BMERB1: variants seen among roughly 807,000 people sequenced by gnomAD.
BMERB1 encodes the protein bMERB domain-containing protein 1.
Under a neutral mutation model 23.6 loss-of-function variants are expected in BMERB1, and 12 were observed. The ratio of observed to expected loss-of-function variants is 0.51; its 90% CI spans 0.33 to 0.82. BMERB1 has a LOEUF of 0.82. Ranked by LOEUF, BMERB1 falls within the 40% of genes least tolerant of loss-of-function variation. The probability of loss-of-function intolerance (pLI) is 0.03; values close to 1 mark genes in which losing one functional copy is unlikely to be tolerated. For synonymous variants in BMERB1, 122 were observed against 96.6 expected (o/e 1.26, Z -1.54); for missense variants, 247 against 255.4 (o/e 0.97, Z 0.22).
intron 1 of BMERB1, among the ~76,000 whole-genome samples, chr16:15,475,312 C>G (rs537650893): frequency 3.3e-5 from 5 of 152,268 alleles, no homozygotes; most frequent in African/African-American, 1.2e-4. Flanking sequence ...TAGCCTTGCA[C>G]AAAGTCAGAG....
chr16:15,576,902 T>C (rs999301370), intron 3 of BMERB1, among the ~76,000 whole-genome samples: 1 of 152,250 alleles, frequency 6.6e-6, no homozygotes, highest in Middle Eastern at 3.4e-3. Context: ...GCTCTCTCGG[T>C]CTCTCTCGAG....
intron 2 of BMERB1, among the ~76,000 whole-genome samples, chr16:15,527,569 C>T (rs2051922121): frequency 1.3e-5 from 2 of 152,042 alleles, no homozygotes; most frequent in South Asian, 4.1e-4. Flanking sequence ...TGTGCCACTG[C>T]ACTCTAGCTC....
intron 2 of BMERB1, among the ~76,000 whole-genome samples, chr16:15,538,809 C>G (rs910752669): frequency 1.3e-5 from 2 of 152,186 alleles, no homozygotes; most frequent in African/African-American, 4.8e-5. Flanking sequence ...TTCCTCTCCA[C>G]TTGCTGCCCG....
At chr16:15,570,198 G>A (rs1225384940) in intron 3 of BMERB1, among the ~76,000 whole-genome samples, 2 of 152,190 alleles carry the variant, frequency 1.3e-5, no homozygotes, top group East Asian at 3.9e-4. Flanking sequence ...CCAAGAGGCT[G>A]TTCTGCAGCA....
chr16:15,545,785 A>G (rs1022006655), intron 2 of BMERB1, among the ~76,000 whole-genome samples: 11 of 152,128 alleles, frequency 7.2e-5, no homozygotes, highest in African/African-American at 2.7e-4. Flanking sequence ...CCCTTGTTGA[A>G]CTTCTCTAAT....
intron 2 of BMERB1, among the ~76,000 whole-genome samples, chr16:15,563,163 C>G (rs1375509190): frequency 1.3e-5 from 2 of 152,146 alleles, no homozygotes; most frequent in Non-Finnish European, 2.9e-5. Context: ...GGGTGGATTG[C>G]TTGAGCCAAG....
chr16:15,461,075 A>G (rs948444196), intron 1 of BMERB1, among the ~76,000 whole-genome samples: 1 of 151,394 alleles, frequency 6.6e-6, no homozygotes, highest in African/African-American at 2.4e-5. Flanking sequence ...CAGTGAGCCA[A>G]GATTGCACCA....
chr16:15,516,298 T>C (rs1488252633), intron 2 of BMERB1, among the ~76,000 whole-genome samples: 1 of 151,958 alleles, frequency 6.6e-6, no homozygotes, highest in East Asian at 1.9e-4. Flanking sequence ...GTGTGTGCCT[T>C]TGTCCCAGCT....
chr16:15,438,617 G>A (rs535637940), intron 1 of BMERB1, among the ~76,000 whole-genome samples: 30 of 151,850 alleles, frequency 2.0e-4, no homozygotes, highest in Non-Finnish European at 3.1e-4. Flanking sequence ...GCACCACCAC[G>A]TCCGGCTAAT....
At chr16:15,473,540 G>A (rs940071191) in intron 1 of BMERB1, among the ~76,000 whole-genome samples, 63 of 151,906 alleles carry the variant, frequency 4.1e-4, no homozygotes, top group East Asian at 4.1e-3. Context: ...TGATCCACCC[G>A]CCTCAGCCTC....
At chr16:15,451,041 C>T (rs2051036984) in intron 1 of BMERB1, among the ~76,000 whole-genome samples, 1 of 151,990 alleles carries the variant, frequency 6.6e-6, no homozygotes, top group African/African-American at 2.4e-5. Context: ...GATTTAAAGC[C>T]TCATGCATGA....
intron 1 of BMERB1, among the ~76,000 whole-genome samples, chr16:15,465,902 G>T (rs1442234043): frequency 6.6e-6 from 1 of 152,154 alleles, no homozygotes; most frequent in Non-Finnish European, 1.5e-5. Flanking sequence ...TATGCATGTT[G>T]AAACATGTAG....
intron 1 of BMERB1, among the ~76,000 whole-genome samples, chr16:15,509,395 G>A (rs1262840781): frequency 6.6e-6 from 1 of 151,998 alleles, no homozygotes; most frequent in Non-Finnish European, 1.5e-5. Flanking sequence ...TGATCTGGCT[G>A]TGTGATGTTG....
chr16:15,473,258 A>C (rs1428814271), intron 1 of BMERB1, among the ~76,000 whole-genome samples: 1 of 148,562 alleles, frequency 6.7e-6, no homozygotes, highest in Non-Finnish European at 1.5e-5. Flanking sequence ...TGTTATCATT[A>C]CCTTTCTGTT....
At chr16:15,490,401 A>G (rs960392636) in intron 1 of BMERB1, among the ~76,000 whole-genome samples, 3 of 151,976 alleles carry the variant, frequency 2.0e-5, no homozygotes, top group African/African-American at 4.8e-5. Flanking sequence ...TCCTGCCTCA[A>G]CCTTCTGAGT....
At chr16:15,468,162 TTG>T (rs2051199971) in intron 1 of BMERB1, among the ~76,000 whole-genome samples, 2 of 64,546 alleles carry the variant, frequency 3.1e-5, no homozygotes, top group South Asian at 6.0e-4. Flanking sequence ...TTTTTTTTTT[TTG>T]AGGCAGGGTC....
intron 2 of BMERB1, among the ~76,000 whole-genome samples, chr16:15,532,472 C>G (rs141124751): frequency 6.6e-6 from 1 of 152,018 alleles, no homozygotes; most frequent in African/African-American, 2.4e-5. Flanking sequence ...TCGTGATTCG[C>G]CTGCCTCGGC....
chr16:15,476,028 G>C (rs2051272095), intron 1 of BMERB1, among the ~76,000 whole-genome samples: 1 of 152,096 alleles, frequency 6.6e-6, no homozygotes, highest in African/African-American at 2.4e-5. Flanking sequence ...TTGACTTTCT[G>C]ATGTGGTCTA....
chr16:15,585,873 A>C (rs773587811), intron 5 of BMERB1, among the ~76,000 whole-genome samples: 8 of 152,154 alleles, frequency 5.3e-5, no homozygotes, highest in Non-Finnish European at 1.2e-4. Context: ...CTGAATCACC[A>C]TGAGGAGAAT....
Sources: allele counts gnomAD v4.1 joint callset (sites outside exome capture counted in the v4.1 genomes callset), GRCh38; gene constraint gnomAD v4.1.1; transcripts MANE v1.5; gene names NCBI Gene and HGNC (gene_info 2026-07-23, HGNC 2026-07-21).